Variants in RARRES1 observed in about 807,000 individuals in gnomAD.
The protein encoded by RARRES1 is retinoic acid receptor responder protein 1.
Under a neutral mutation model 30.6 loss-of-function variants are expected in RARRES1, and 34 were observed. The observed-to-expected ratio is 1.11, with a 90% CI of 0.84 to 1.48. The LOEUF (loss-of-function observed/expected upper bound fraction) is 1.48, where lower values mean the gene tolerates loss of function less well. Ranked by LOEUF, RARRES1 falls within the 40% of genes most tolerant of loss-of-function variation. The probability of loss-of-function intolerance (pLI) is 0.00; values close to 1 mark genes in which losing one functional copy is unlikely to be tolerated. For synonymous variants in RARRES1, 153 were observed against 155.5 expected (o/e 0.98, Z 0.12); for missense variants, 373 against 386.5 (o/e 0.97, Z 0.29).
At position 158,732,381 on chromosome 3, in the gene RARRES1, C is replaced by T. The variant is rs751054126; in HGVS notation, c.35G>A (p.Trp12Ter). The T allele has an allele frequency of 6.7e-7, 1 of 1,501,202 alleles. No homozygotes were observed. Among genetic ancestry groups the T allele is most frequent in the South Asian group, 1.2e-5 (1 of 81,146 alleles). 93.0% of individuals were successfully genotyped at this position (1,501,202 alleles called of 1,614,324 possible). A position where few individuals can be genotyped will look rare whatever the true frequency, so the allele number is the denominator to read the frequency against. The change falls in exon 1 of 6, where the codon TGG becomes TAG. Residue 12 changes from tryptophan to a stop codon, truncating the protein, a stop_gained. Coordinates refer to ENST00000237696, the MANE Select transcript of RARRES1 (RefSeq NM_206963.2). LOFTEE classifies it high-confidence loss of function. ...QPRRQRLPAP[W>*]SGPRGPRPTA... ...GGGGCGCGGGCCCCTGGGCCCGGAC[C>T]AGGGAGCAGGCAGCCGTTGCCGGCG...
At chr3:158,699,672 A>G (rs1318659382) in intron 4 of RARRES1, among the ~76,000 whole-genome samples, 1 of 151,812 alleles carries the variant, frequency 6.6e-6, no homozygotes, top group Non-Finnish European at 1.5e-5. Context: ...TCAGAAATCA[A>G]CTGCATTTTC....
chr3:158,728,535 G>GTTTTT (rs1727769070), intron 1 of RARRES1, among the ~76,000 whole-genome samples: 7 of 80,046 alleles, frequency 8.7e-5, no homozygotes, highest in Admixed American at 7.0e-4. Flanking sequence ...TTTTTTTTTT[G>GTTTTT]GTTTTTGAGA....
chr3:158,699,432 C>CA (rs1726650685), intron 4 of RARRES1, among the ~76,000 whole-genome samples: 1 of 114,896 alleles, frequency 8.7e-6, no homozygotes, highest in Non-Finnish European at 1.8e-5. Context: ...TACAAAAAAG[C>CA]AACCCCCCCC....
intron 1 of RARRES1, among the ~76,000 whole-genome samples, chr3:158,730,275 G>T (rs1007971898): frequency 6.8e-6 from 1 of 146,264 alleles, no homozygotes; most frequent in Non-Finnish European, 1.5e-5. Context: ...AGCCGAGATC[G>T]CAGCGCTGCA....
Position 158,717,947 on chromosome 3 carries a change from A to T in RARRES1, c.277-4088T>A, listed in dbSNP as rs186342374. Among the ~76,000 whole-genome samples, 641 of 152,012 alleles carry T rather than the reference A, an allele frequency of 4.2e-3. 3 individuals are homozygous for T. Among genetic ancestry groups the T allele is most frequent in the African/African-American group, 0.015 (610 of 41,432 alleles). On this transcript the variant is annotated intron_variant, in intron 1 of 5. Coordinates refer to ENST00000237696, the MANE Select transcript of RARRES1 (RefSeq NM_206963.2). ...AAATAAGCAGGTAATTCAAGATCAGAAATCATCACTAGAATACATTTTATA... is the reference window on the plus strand; with the variant it reads ...AAATAAGCAGGTAATTCAAGATCAGTAATCATCACTAGAATACATTTTATA...
At chr3:158,720,174 C>T (rs1463882851) in intron 1 of RARRES1, among the ~76,000 whole-genome samples, 1 of 151,602 alleles carries the variant, frequency 6.6e-6, no homozygotes, top group East Asian at 1.9e-4. Context: ...CACAGGACTG[C>T]ACAGAAAAAT....
intron 4 of RARRES1, among the ~76,000 whole-genome samples, chr3:158,701,666 T>G (rs1726726504): frequency 6.6e-6 from 1 of 152,218 alleles, no homozygotes; most frequent in South Asian, 2.1e-4. Flanking sequence ...TAAAAATCAT[T>G]GCTTGTTGCT....
chr3:158,700,164 A>G (rs970266550), intron 4 of RARRES1, among the ~76,000 whole-genome samples: 1 of 151,908 alleles, frequency 6.6e-6, no homozygotes, highest in African/African-American at 2.4e-5. Flanking sequence ...TTATTTTTTA[A>G]TAGAGACCAC....
rs371153205 is a variant in RARRES1, at chr3:158,698,619, C to A, written c.673-649G>T. Among the ~76,000 whole-genome samples, 139 of 151,160 alleles carry A rather than the reference C, an allele frequency of 9.2e-4. 7 individuals are homozygous for A. The South Asian group carries it at 0.027, about 30-fold the overall frequency. ...TTGTCTTCATCTCTTTTATTCACAT[C>A]GTTTCTGTACATTTTACTAGTGACT... On this transcript the variant is annotated intron_variant, in intron 4 of 5. Coordinates refer to ENST00000237696, the MANE Select transcript of RARRES1 (RefSeq NM_206963.2).
chr3:158,707,225 G>GTTAGGGTTTT, intron 3 of RARRES1, among the ~76,000 whole-genome samples: 1 of 152,118 alleles, frequency 6.6e-6, no homozygotes, highest in East Asian at 1.9e-4. Flanking sequence ...GCAAGATCTG[G>GTTAGGGTTTT]TTAGGGTTTT....
intron 4 of RARRES1, among the ~76,000 whole-genome samples, chr3:158,700,662 C>G (rs1023050175): frequency 5.3e-5 from 8 of 152,180 alleles, no homozygotes; most frequent in African/African-American, 1.7e-4. Flanking sequence ...CAAGATTGGA[C>G]TGCCCTCCCC....
chr3:158,713,932 T>C, intron 1 of RARRES1, 73 bp from the exon 2 acceptor site: 1 of 1,347,856 alleles, frequency 7.4e-7, no homozygotes, highest in Non-Finnish European at 1.1e-6. Context: ...AATCACACTC[T>C]TAGGATAACA....
intron 4 of RARRES1, among the ~76,000 whole-genome samples, chr3:158,698,855 T>C (rs1327435656): frequency 1.3e-5 from 2 of 152,220 alleles, no homozygotes; most frequent in Non-Finnish European, 2.9e-5. Context: ...CTTTTCTCTT[T>C]CAGCCTTTTT....
chr3:158,713,337 G>A (rs1393698489), intron 2 of RARRES1, among the ~76,000 whole-genome samples: 1 of 152,138 alleles, frequency 6.6e-6, no homozygotes, highest in Admixed American at 6.5e-5. Flanking sequence ...GGCTGATAAC[G>A]GCTGGAGCAC....
chr3:158,702,381 C>T (rs1726764105), intron 4 of RARRES1, among the ~76,000 whole-genome samples: 1 of 152,144 alleles, frequency 6.6e-6, no homozygotes, highest in African/African-American at 2.4e-5. Flanking sequence ...TATGTCCTCG[C>T]TTTCGTACGT....
At chr3:158,720,263 T>TGTGTGTGTGTGTGG in intron 1 of RARRES1, among the ~76,000 whole-genome samples, 1 of 144,182 alleles carries the variant, frequency 6.9e-6, no homozygotes, top group South Asian at 2.3e-4. Context: ...TGTGTGTGTG[T>TGTGTGTGTGTGTGG]GTATGTGTGT....
intron 4 of RARRES1, among the ~76,000 whole-genome samples, chr3:158,699,134 T>C (rs1726642580): frequency 6.6e-6 from 1 of 152,134 alleles, no homozygotes; most frequent in Non-Finnish European, 1.5e-5. Flanking sequence ...AGCTTGACCA[T>C]CGGGTAGATA....
Position 158,704,607 on chromosome 3 carries a change from T to C in RARRES1, c.672+184A>G, listed in dbSNP as rs1282348270. The C allele has an allele frequency of 3.8e-5, 34 of 905,134 alleles. No homozygotes were observed. In the East Asian group the frequency reaches 8.0e-4, roughly 21 times the overall value. 56.1% of individuals were successfully genotyped at this position (905,134 alleles called of 1,614,324 possible). On this transcript the variant is annotated intron_variant, in intron 4 of 5. Transcript: ENST00000237696. ...AATGAGGGCAGCAACATTGTGTCTT[T>C]GTTCACGACTGTATCCCCAGCCCCT...
intron 3 of RARRES1, among the ~76,000 whole-genome samples, 167 bp from the exon 4 acceptor site, chr3:158,705,094 T>A (rs935488789): frequency 6.6e-6 from 1 of 152,230 alleles, no homozygotes; most frequent in Admixed American, 6.5e-5. Context: ...TATGTTAGTA[T>A]GTAGATTTAT....
Sources: gnomAD v4.1 joint callset for allele counts (sites outside exome capture counted in the v4.1 genomes callset) on GRCh38, gnomAD v4.1.1 for gene constraint, MANE v1.5 for transcripts, NCBI Gene and HGNC (gene_info 2026-07-23, HGNC 2026-07-21) for gene names.